ZNF804B: variants seen among roughly 807,000 people sequenced by gnomAD.
The protein encoded by ZNF804B is zinc finger 804B.
A neutral mutation model predicts 101.4 loss-of-function variants in ZNF804B; 80 were observed. The ratio of observed to expected loss-of-function variants is 0.79; its 90% CI spans 0.66 to 0.95. The LOEUF is 0.95. Among genes scored for constraint, ZNF804B ranks in the 40% least tolerant of loss-of-function variants. ZNF804B has a pLI of 0.00. For synonymous variants in ZNF804B, 622 were observed against 558.8 expected (o/e 1.11, Z -1.59); for missense variants, 1,673 against 1,561.9 (o/e 1.07, Z -1.20).
chr7:89,058,998 A>G (rs1789336645), intron 1 of ZNF804B, among the ~76,000 whole-genome samples: 1 of 152,090 alleles, frequency 6.6e-6, no homozygotes. Flanking sequence ...CCCAGCTGGA[A>G]TGGTTCCTTT....
chr7:89,249,029 T>TAA (rs58553222), intron 2 of ZNF804B, among the ~76,000 whole-genome samples: 30,218 of 118,618 alleles, frequency 0.25, 3,588 homozygotes, highest in Non-Finnish European at 0.3. Context: ...CCAATAACAG[T>TAA]AAAAAAAAAA....
intron 1 of ZNF804B, among the ~76,000 whole-genome samples, chr7:89,072,408 C>G (rs1789556010): frequency 1.3e-5 from 2 of 152,092 alleles, no homozygotes; most frequent in African/African-American, 4.8e-5. Context: ...TCAACAACTG[C>G]CTTTTAAATT....
intron 1 of ZNF804B, among the ~76,000 whole-genome samples, chr7:89,018,180 G>T (rs1456507430): frequency 6.6e-6 from 1 of 151,822 alleles, no homozygotes; most frequent in African/African-American, 2.4e-5. Context: ...ATTGTTTTGA[G>T]GTATGTTCCT....
chr7:89,278,119 CAT>C (rs1332874556), intron 2 of ZNF804B, among the ~76,000 whole-genome samples: 3 of 152,162 alleles, frequency 2.0e-5, no homozygotes, highest in Admixed American at 6.5e-5. Context: ...AGCATTTTTT[CAT>C]ATGTTTCTTG....
At chr7:89,197,209 A>C (rs895132761) in intron 1 of ZNF804B, among the ~76,000 whole-genome samples, 1 of 151,924 alleles carries the variant, frequency 6.6e-6, no homozygotes, top group Non-Finnish European at 1.5e-5. Context: ...TGAACTTAAA[A>C]TAAAAGCTGA....
At chr7:88,903,217 A>T (rs1385330679) in intron 1 of ZNF804B, among the ~76,000 whole-genome samples, 1 of 151,516 alleles carries the variant, frequency 6.6e-6, no homozygotes, top group Non-Finnish European at 1.5e-5. Flanking sequence ...CTGTTCCTGC[A>T]TTAATTGTCT....
At chr7:89,151,782 C>G (rs1790880700) in intron 1 of ZNF804B, among the ~76,000 whole-genome samples, 1 of 151,920 alleles carries the variant, frequency 6.6e-6, no homozygotes, top group South Asian at 2.1e-4. Context: ...GGCTCTTTAA[C>G]ATGGCAATGG....
At chr7:89,162,391 T>C (rs1791079827) in intron 1 of ZNF804B, among the ~76,000 whole-genome samples, 1 of 152,070 alleles carries the variant, frequency 6.6e-6, no homozygotes, top group Non-Finnish European at 1.5e-5. Flanking sequence ...CTAACCAAAG[T>C]CAAATTCCTA....
chr7:89,102,056 A>G (rs1790063393), intron 1 of ZNF804B, among the ~76,000 whole-genome samples: 1 of 151,978 alleles, frequency 6.6e-6, no homozygotes, highest in African/African-American at 2.4e-5. Flanking sequence ...TATATACACC[A>G]CATTTTTTTA....
chr7:89,277,329 C>CT lies in ZNF804B; in HGVS notation c.250-50007dup, dbSNP rs575055855. On this transcript the variant is annotated intron_variant, in intron 2 of 3. Transcript: ENST00000333190. ...AAAGGAGTTTTTTTCTTTTTTTTTTCTTTTTTTTATTATTATACTTTAAGT... is the reference window on the plus strand; with the variant it reads ...AAAGGAGTTTTTTTCTTTTTTTTTTCTTTTTTTTTATTATTATACTTTAAGT... Among the ~76,000 whole-genome samples, 11 of 145,396 alleles carry CT rather than the reference C, an allele frequency of 7.6e-5. No homozygotes were observed. The South Asian group carries it at 1.7e-3, about 23-fold the overall frequency.
At chr7:89,024,425 T>C (rs565755064) in intron 1 of ZNF804B, among the ~76,000 whole-genome samples, 17 of 152,012 alleles carry the variant, frequency 1.1e-4, no homozygotes, top group Non-Finnish European at 2.5e-4. Flanking sequence ...CAGATGATAA[T>C]ATTTGTTTGG....
intron 1 of ZNF804B, among the ~76,000 whole-genome samples, chr7:88,835,466 C>A (rs1791199537): frequency 6.6e-6 from 1 of 151,780 alleles, no homozygotes; most frequent in African/African-American, 2.4e-5. Context: ...TTAAATATAT[C>A]AAACCTATTC....
At chr7:89,194,018 G>C (rs1449150989) in intron 1 of ZNF804B, among the ~76,000 whole-genome samples, 1 of 152,156 alleles carries the variant, frequency 6.6e-6, no homozygotes, top group African/African-American at 2.4e-5. Flanking sequence ...ACTAGTGTGA[G>C]ATGGTATCTC....
chr7:89,087,244 A>T (rs769650418), intron 1 of ZNF804B, among the ~76,000 whole-genome samples: 14 of 151,858 alleles, frequency 9.2e-5, no homozygotes, highest in Non-Finnish European at 1.9e-4. Context: ...ACAAACAGTG[A>T]TCATTTTCAA....
chr7:88,936,280 A>G (rs560084030), intron 1 of ZNF804B, among the ~76,000 whole-genome samples: 66 of 152,236 alleles, frequency 4.3e-4, no homozygotes, highest in African/African-American at 1.5e-3. Flanking sequence ...ATTTAAAGAT[A>G]TCTTTATTAT....
At chr7:89,311,548 C>G (rs1254519171) in intron 2 of ZNF804B, among the ~76,000 whole-genome samples, 14 of 152,082 alleles carry the variant, frequency 9.2e-5, no homozygotes, top group Admixed American at 8.5e-4. Flanking sequence ...TCTTCCATTA[C>G]TGAATTTTTA....
chr7:88,776,567 T>TG (rs755773941), intron 1 of ZNF804B, among the ~76,000 whole-genome samples: 8,141 of 145,094 alleles, frequency 0.056, 540 homozygotes, highest in African/African-American at 0.15. Flanking sequence ...TTTGTTTTTT[T>TG]TTTTTTTTTT....
At chr7:89,333,146 T>C (rs114865542) in intron 3 of ZNF804B, among the ~76,000 whole-genome samples, 1,576 of 152,088 alleles carry the variant, frequency 0.01, 32 homozygotes, top group African/African-American at 0.036. Flanking sequence ...TATTGCTTTT[T>C]GGTAATTGCA....
chr7:88,921,098 A>G (rs1396968416), intron 1 of ZNF804B, among the ~76,000 whole-genome samples: 1 of 152,130 alleles, frequency 6.6e-6, no homozygotes, highest in Non-Finnish European at 1.5e-5. Flanking sequence ...TTTTTAGCAC[A>G]ATAATCTTAA....
Sources: gnomAD v4.1 joint callset for allele counts (sites outside exome capture counted in the v4.1 genomes callset) on GRCh38, gnomAD v4.1.1 for gene constraint, MANE v1.5 for transcripts, NCBI Gene and HGNC (gene_info 2026-07-23, HGNC 2026-07-21) for gene names.